The following RAB28 variants were observed in gnomAD, a reference collection of about 807,000 sequenced individuals.
The protein encoded by RAB28 is RAB28, member RAS oncogene family.
In RAB28, 24 loss-of-function variants were observed where a neutral mutation model predicts 31.7. That is an observed-to-expected ratio of 0.76 (90% CI 0.55 to 1.06). RAB28 has a LOEUF of 1.06. Among genes scored for constraint, RAB28 ranks in the 50% least tolerant of loss-of-function variants. RAB28 has a pLI of 0.00. For missense variants in RAB28, 254 were observed against 258.5 expected, an observed-to-expected ratio of 0.98 and a Z score of 0.12; for synonymous variants, 100 against 90.4, an observed-to-expected ratio of 1.11 and a Z score of -0.60.
intron 4 of RAB28, among the ~76,000 whole-genome samples, chr4:13,396,820 T>C (rs1450943401): frequency 2.6e-5 from 4 of 152,108 alleles, no homozygotes; most frequent in African/African-American, 9.7e-5. Context: ...ATCTGCCATA[T>C]TCACTCCAAA....
intron 5 of RAB28, among the ~76,000 whole-genome samples, chr4:13,378,937 G>A (rs1471824517): frequency 6.6e-6 from 1 of 152,118 alleles, no homozygotes; most frequent in Non-Finnish European, 1.5e-5. Flanking sequence ...TCGGCCTGGT[G>A]CATTGGCTCA....
rs1327293875 is a variant in RAB28 at position 13,484,325 on chromosome 4, C to T, written c.-175G>A. 5.2e-6 allele frequency: 3 copies of T among 576,332 alleles called. No individual in the cohort carries two copies. The highest frequency in any genetic ancestry group is 9.5e-6 in the Non-Finnish European group (3 of 316,058). The allele number at this position is 576,332 out of a possible 1,614,324, so 35.7% of individuals were successfully genotyped here. On this transcript the variant is annotated 5_prime_UTR_variant, in exon 1 of 7. In the 5' UTR this introduces an upstream ATG that the reference lacks. Transcript: ENST00000330852. ...CACTCGGCAAGCGCCATCTTGCCCA[C>T]CTCCCCGCCCTCTGCGCGCGGCCCC...
At chr4:13,437,965 C>A (rs1220197115) in intron 4 of RAB28, among the ~76,000 whole-genome samples, 4 of 152,214 alleles carry the variant, frequency 2.6e-5, no homozygotes, top group Non-Finnish European at 5.9e-5. Flanking sequence ...CAAAAGTGGA[C>A]TGGATAAACA....
At chr4:13,409,933 G>C in intron 4 of RAB28, among the ~76,000 whole-genome samples, 1 of 152,044 alleles carries the variant, frequency 6.6e-6, no homozygotes, top group Non-Finnish European at 1.5e-5. Context: ...GTGGGGCCTG[G>C]TAGGAGGTGA....
intron 3 of RAB28, among the ~76,000 whole-genome samples, chr4:13,462,473 T>C (rs1211365298): frequency 6.6e-6 from 1 of 152,202 alleles, no homozygotes; most frequent in Non-Finnish European, 1.5e-5. Flanking sequence ...TAATTTTTCA[T>C]TGTAAAAGTT....
Position 13,370,034 on chromosome 4 carries a change from G to C in RAB28, c.574-1384C>G, listed in dbSNP as rs924641981. 36 of 1,545,808 alleles carry C rather than the reference G, an allele frequency of 2.3e-5. No homozygotes were observed. The Admixed American group carries it at 6.4e-4, about 28-fold the overall frequency. ...TAAAAAAAAAAAGACAAAATGGAAAGTATGTTCAATGACTGAATATAGAAG... is the reference window on the plus strand; with the variant it reads ...TAAAAAAAAAAAGACAAAATGGAAACTATGTTCAATGACTGAATATAGAAG... On this transcript the variant is annotated intron_variant, in intron 6 of 6. Coordinates refer to ENST00000330852, the MANE Select transcript of RAB28 (RefSeq NM_001017979.3).
chr4:13,375,577 G>A (rs1158698703), intron 6 of RAB28, among the ~76,000 whole-genome samples: 1 of 152,098 alleles, frequency 6.6e-6, no homozygotes, highest in Non-Finnish European at 1.5e-5. Context: ...CACTTTTTCT[G>A]TGTCTGGGAG....
intron 4 of RAB28, among the ~76,000 whole-genome samples, chr4:13,404,771 C>A (rs1711976363): frequency 6.6e-6 from 1 of 152,108 alleles, no homozygotes; most frequent in Non-Finnish European, 1.5e-5. Flanking sequence ...CCAATCAACT[C>A]TGATGTCCAT....
chr4:13,397,226 C>G (rs1276787692), intron 4 of RAB28, among the ~76,000 whole-genome samples: 1 of 152,038 alleles, frequency 6.6e-6, no homozygotes, highest in Admixed American at 6.6e-5. Flanking sequence ...AAGGAATACA[C>G]ATAAATAATT....
At chr4:13,422,236 A>C (rs1713198721) in intron 4 of RAB28, among the ~76,000 whole-genome samples, 1 of 152,166 alleles carries the variant, frequency 6.6e-6, no homozygotes, top group Admixed American at 6.5e-5. Flanking sequence ...GGTGATCATT[A>C]AAAAGGAAAC....
chr4:13,422,433 A>G (rs1713213002), intron 4 of RAB28, among the ~76,000 whole-genome samples: 1 of 152,228 alleles, frequency 6.6e-6, no homozygotes, highest in Non-Finnish European at 1.5e-5. Context: ...ATGCTACTAT[A>G]AAGACACATG....
intron 6 of RAB28, among the ~76,000 whole-genome samples, chr4:13,375,656 G>C (rs1728889305): frequency 6.6e-6 from 1 of 152,054 alleles, no homozygotes; most frequent in African/African-American, 2.4e-5. Context: ...AAATGTCTTT[G>C]AATGATGGGA....
Position 13,379,758 on chromosome 4 carries a change from AACAAGGAT to A in RAB28, c.495+1725_495+1732del, listed in dbSNP as rs566341842. On this transcript the variant is annotated intron_variant, in intron 5 of 6. Coordinates refer to ENST00000330852, the MANE Select transcript of RAB28 (RefSeq NM_001017979.3). ...AGTGACTAAGGTGGCATCAGGGAGA[AACAAGGAT>A]ACTGAAATCACTAAGAATTATGACA... is the stretch of plus-strand genomic sequence containing the variant. Among the ~76,000 whole-genome samples the A allele has an allele frequency of 8.5e-4, 130 of 152,216 alleles. No homozygotes were observed. In the East Asian group the frequency reaches 0.023, roughly 27 times the overall value.
At chr4:13,388,884 T>C (rs1729502415) in intron 4 of RAB28, among the ~76,000 whole-genome samples, 3 of 152,076 alleles carry the variant, frequency 2.0e-5, no homozygotes, top group Admixed American at 1.3e-4. Context: ...TACAGAAAAC[T>C]GTATGGGGTT....
chr4:13,433,138 G>GAAAAAAAAAAA (rs1159582203), intron 4 of RAB28, among the ~76,000 whole-genome samples: 2 of 69,536 alleles, frequency 2.9e-5, no homozygotes, highest in African/African-American at 4.8e-5. Context: ...GCAAATGAAA[G>GAAAAAAAAAAA]AAAAAAAAAA....
intron 4 of RAB28, among the ~76,000 whole-genome samples, chr4:13,395,171 T>G (rs1025337965): frequency 6.6e-6 from 1 of 152,180 alleles, no homozygotes; most frequent in African/African-American, 2.4e-5. Flanking sequence ...AAGACAAACT[T>G]TAAATAATCA....
At chr4:13,424,216 G>A (rs911051116) in intron 4 of RAB28, among the ~76,000 whole-genome samples, 1 of 152,140 alleles carries the variant, frequency 6.6e-6, no homozygotes, top group Non-Finnish European at 1.5e-5. Context: ...CAAACTGTGT[G>A]GCTTAAACCA....
chr4:13,379,720 T>A (rs1449937901), intron 5 of RAB28, among the ~76,000 whole-genome samples: 1 of 152,100 alleles, frequency 6.6e-6, no homozygotes, highest in Non-Finnish European at 1.5e-5. Context: ...TGATGTGATC[T>A]GTAGTATGCA....
At position 13,376,577 on chromosome 4, in the gene RAB28, T is replaced by A. The variant is rs150912702; in HGVS notation, c.541A>T (p.Lys181Ter). The A allele has an allele frequency of 6.2e-7, 1 of 1,604,360 alleles. No individual in the cohort carries two copies. Among genetic ancestry groups the A allele is most frequent in the Non-Finnish European group, 8.5e-7 (1 of 1,176,450 alleles). Residue 181 changes from lysine (K) to a stop codon, truncating the protein, a stop_gained, in exon 6 of 7, where the codon AAA becomes TAA. Transcript: ENST00000330852. LOFTEE classifies it high-confidence loss of function. ...QKVAAEILGI[K>*]LNKAEIEQSQ... is the part of the protein sequence containing the mutation. Reference sequence around the variant, plus strand: ...TGTTCTATTTCTGCTTTGTTTAATTTGATCCCAAGGATTTCAGCAGCAACT... The same window carrying A: ...TGTTCTATTTCTGCTTTGTTTAATTAGATCCCAAGGATTTCAGCAGCAACT...
Sources: allele counts gnomAD v4.1 joint callset (sites outside exome capture counted in the v4.1 genomes callset), GRCh38; gene constraint gnomAD v4.1.1; transcripts MANE v1.5; gene names NCBI Gene and HGNC (gene_info 2026-07-23, HGNC 2026-07-21).